Variants in MUSK observed in about 807,000 individuals in gnomAD.
MUSK encodes the protein muscle, skeletal receptor tyrosine-protein kinase.
In MUSK, 55 loss-of-function variants were observed where a neutral mutation model predicts 88.7. The observed-to-expected ratio is 0.62, with a 90% CI of 0.50 to 0.78. The LOEUF (loss-of-function observed/expected upper bound fraction) is 0.78, where lower values mean the gene tolerates loss of function less well. Ranked by LOEUF, MUSK falls within the 30% of genes least tolerant of loss-of-function variation. MUSK has a pLI of 0.00. For synonymous variants in MUSK, 387 were observed against 391.9 expected (o/e 0.99, Z 0.15); for missense variants, 1,015 against 1,074.3 (o/e 0.94, Z 0.77).
intron 11 of MUSK, among the ~76,000 whole-genome samples, chr9:110,781,421 C>T (rs533990790): frequency 7.8e-4 from 118 of 152,192 alleles, no homozygotes; most frequent in Middle Eastern, 3.4e-3. Context: ...GGACTACAGG[C>T]GCCCACCACC....
intron 14 of MUSK, among the ~76,000 whole-genome samples, chr9:110,797,551 T>A (rs1487229969): frequency 6.6e-6 from 1 of 152,268 alleles, no homozygotes; most frequent in East Asian, 1.9e-4. Flanking sequence ...AGATAAATAT[T>A]AAAAGCAAGA....
At chr9:110,772,142 ACT>A (rs1485692522) in intron 9 of MUSK, among the ~76,000 whole-genome samples, 1 of 150,448 alleles carries the variant, frequency 6.6e-6, no homozygotes, top group South Asian at 2.1e-4. Flanking sequence ...ATTAGATTCT[ACT>A]CTTTCTTAAT....
At chr9:110,761,044 G>A (rs774258325) in intron 7 of MUSK, among the ~76,000 whole-genome samples, 4 of 152,148 alleles carry the variant, frequency 2.6e-5, no homozygotes, top group Non-Finnish European at 4.4e-5. Flanking sequence ...GTTTATTTTC[G>A]TAATGAGGGT....
At chr9:110,744,401 C>G (rs957534275) in intron 6 of MUSK, among the ~76,000 whole-genome samples, 2 of 152,240 alleles carry the variant, frequency 1.3e-5, no homozygotes, top group South Asian at 4.2e-4. Flanking sequence ...ATCGGATTAT[C>G]CATAGCTGGG....
At chr9:110,763,402 A>T (rs2077429895) in intron 8 of MUSK, among the ~76,000 whole-genome samples, 1 of 152,194 alleles carries the variant, frequency 6.6e-6, no homozygotes, top group Non-Finnish European at 1.5e-5. Context: ...AGTAAAGTTT[A>T]TCTAAACTAA....
intron 1 of MUSK, among the ~76,000 whole-genome samples, chr9:110,670,137 A>G (rs961989981): frequency 2.6e-5 from 4 of 152,052 alleles, no homozygotes; most frequent in Admixed American, 6.5e-5. Flanking sequence ...CTCTTTTTCC[A>G]TTTTACTTGA....
intron 5 of MUSK, among the ~76,000 whole-genome samples, chr9:110,705,528 T>C (rs2076587557): frequency 6.6e-6 from 1 of 152,182 alleles, no homozygotes. Flanking sequence ...TAGATGGAAA[T>C]CTGAAATTTA....
chr9:110,713,846 C>T (rs1409030983), intron 5 of MUSK, among the ~76,000 whole-genome samples: 1 of 152,126 alleles, frequency 6.6e-6, no homozygotes, highest in Non-Finnish European at 1.5e-5. Context: ...GTGCAGGCAT[C>T]TTCCAGAGCT....
At chr9:110,669,645 TAAG>T (rs2075932039) in intron 1 of MUSK, among the ~76,000 whole-genome samples, 2 of 152,122 alleles carry the variant, frequency 1.3e-5, no homozygotes, top group Admixed American at 1.3e-4. Flanking sequence ...GAAAGCAACT[TAAG>T]AAACTGACAA....
chr9:110,730,896 A>G (rs1030062964), intron 5 of MUSK, among the ~76,000 whole-genome samples: 3 of 150,888 alleles, frequency 2.0e-5, no homozygotes, highest in African/African-American at 7.3e-5. Context: ...CTTCCTCCCC[A>G]CCCCACTCTT....
At chr9:110,763,236 G>C (rs1009774150) in intron 8 of MUSK, among the ~76,000 whole-genome samples, 3 of 152,022 alleles carry the variant, frequency 2.0e-5, no homozygotes, top group African/African-American at 7.3e-5. Context: ...TAAGTATATA[G>C]GATAGTGATT....
intron 5 of MUSK, chr9:110,706,128 G>A (rs757493038): frequency 1.3e-5 from 7 of 528,512 alleles, no homozygotes; most frequent in African/African-American, 7.7e-5. Context: ...AGCTAAGATC[G>A]TTCCTTAGCT....
At chr9:110,726,257 T>C (rs1015782693) in intron 5 of MUSK, among the ~76,000 whole-genome samples, 2 of 152,152 alleles carry the variant, frequency 1.3e-5, no homozygotes, top group Non-Finnish European at 1.5e-5. Flanking sequence ...CATTCTTTCA[T>C]GTCTTGAGTT....
chr9:110,797,245 G>A (rs183666069), intron 14 of MUSK, among the ~76,000 whole-genome samples: 1 of 134,272 alleles, frequency 7.4e-6, no homozygotes, highest in Non-Finnish European at 1.6e-5. Context: ...TGACTTCATT[G>A]TAATGCATAG....
intron 6 of MUSK, among the ~76,000 whole-genome samples, chr9:110,734,865 T>C (rs2077009317): frequency 6.6e-6 from 1 of 152,144 alleles, no homozygotes; most frequent in South Asian, 2.1e-4. Flanking sequence ...TTTATTTATT[T>C]ATTCATTCTA....
intron 1 of MUSK, among the ~76,000 whole-genome samples, chr9:110,669,855 T>A (rs947082489): frequency 6.6e-6 from 1 of 152,182 alleles, no homozygotes; most frequent in Admixed American, 6.5e-5. Flanking sequence ...GTTTTCAAAT[T>A]TAATGTTATA....
At chr9:110,696,201 C>T (rs572632545) in intron 4 of MUSK, among the ~76,000 whole-genome samples, 168 of 151,436 alleles carry the variant, frequency 1.1e-3, no homozygotes, top group African/African-American at 3.8e-3. Flanking sequence ...AACTTGAACC[C>T]GAGAGGCAGA....
chr9:110,721,415 C>T (rs1178828991), intron 5 of MUSK, among the ~76,000 whole-genome samples: 3 of 152,208 alleles, frequency 2.0e-5, no homozygotes, highest in South Asian at 2.1e-4. Flanking sequence ...AATTAATGTA[C>T]ACAAATCAGT....
chr9:110,750,912 T>C (rs1366176024), intron 7 of MUSK, among the ~76,000 whole-genome samples: 1 of 152,322 alleles, frequency 6.6e-6, no homozygotes, highest in East Asian at 1.9e-4. Context: ...ATAAAATCTA[T>C]AAAATATCCA....
Sources: allele counts gnomAD v4.1 joint callset (sites outside exome capture counted in the v4.1 genomes callset), GRCh38; gene constraint gnomAD v4.1.1; transcripts MANE v1.5; gene names NCBI Gene and HGNC (gene_info 2026-07-23, HGNC 2026-07-21).